The following ZNF536 variants were observed in gnomAD, a reference collection of about 807,000 sequenced individuals.
ZNF536 encodes zinc finger protein 536.
Under a neutral mutation model 84.5 loss-of-function variants are expected in ZNF536, and 13 were observed. That is an observed-to-expected ratio of 0.15 (90% confidence interval 0.10 to 0.24). The LOEUF is 0.24. ZNF536 is among the 10% of genes least tolerant of loss of function. The pLI, the probability that ZNF536 is intolerant of heterozygous loss-of-function variation, is 1.00. For missense variants in ZNF536, 1,536 were observed against 1,747.5 expected, an observed-to-expected ratio of 0.88 and a Z score of 2.16; for synonymous variants, 811 against 742.5, an observed-to-expected ratio of 1.09 and a Z score of -1.50.
rs1007873237 is a variant in ZNF536, at chr19:30,679,332, G to T, written c.170-31425G>T. Among the ~76,000 whole-genome samples the T allele has an allele frequency of 2.6e-5, 4 of 152,244 alleles. No homozygotes were observed. In the East Asian group the frequency reaches 7.7e-4, roughly 29 times the overall value. ...TGGAGCCCGCAGCTAGATGATGGAG[G>T]TGAGGCCCTGGGCCGGGAAGGAAGG... is the stretch of plus-strand genomic sequence containing the variant. On this transcript the variant is annotated intron_variant, in intron 1 of 1. Coordinates refer to the ZNF536 transcript ENST00000592773.
intron 3 of ZNF536, among the ~76,000 whole-genome samples, chr19:30,543,349 C>G (rs2045408369): frequency 6.6e-6 from 1 of 152,208 alleles, no homozygotes. Flanking sequence ...TGAGTGGTCC[C>G]CTCAGTAGAT....
At chr19:30,592,730 T>A (rs943515141) in intron 1 of ZNF536, among the ~76,000 whole-genome samples, 1 of 152,082 alleles carries the variant, frequency 6.6e-6, no homozygotes, top group African/African-American at 2.4e-5. Context: ...AAATCAACTT[T>A]ACCCCCCATT....
At chr19:30,472,613 A>G (rs562724815) in intron 2 of ZNF536, among the ~76,000 whole-genome samples, 1 of 152,322 alleles carries the variant, frequency 6.6e-6, no homozygotes, top group Admixed American at 6.5e-5. Context: ...GGCACAGGTG[A>G]CTTAAAGAAA....
intron 3 of ZNF536, among the ~76,000 whole-genome samples, chr19:30,541,218 C>T (rs186879468): frequency 6.6e-6 from 1 of 152,282 alleles, no homozygotes; most frequent in East Asian, 1.9e-4. Context: ...ACGTCTCTTA[C>T]ATTTGATGCT....
chr19:30,505,336 T>A (rs898096317), intron 2 of ZNF536, among the ~76,000 whole-genome samples: 15 of 145,936 alleles, frequency 1.0e-4, no homozygotes, highest in African/African-American at 3.2e-4. Context: ...ATAATATATA[T>A]TTTATGATAA....
At chr19:30,279,003 A>C (rs1276690552) in intron 1 of ZNF536, among the ~76,000 whole-genome samples, 1 of 152,176 alleles carries the variant, frequency 6.6e-6, no homozygotes, top group African/African-American at 2.4e-5. Context: ...CCCAGGCCGC[A>C]GGGAATGTCT....
At chr19:30,575,323 C>G (rs2046692435) in intron 1 of ZNF536, among the ~76,000 whole-genome samples, 1 of 152,150 alleles carries the variant, frequency 6.6e-6, no homozygotes, top group Non-Finnish European at 1.5e-5. Flanking sequence ...TGGGATAGGA[C>G]TTTGTTGGCA....
chr19:30,427,515 A>G (rs2051267799), intron 1 of ZNF536, among the ~76,000 whole-genome samples: 1 of 152,140 alleles, frequency 6.6e-6, no homozygotes, highest in Non-Finnish European at 1.5e-5. Context: ...GGCATGGAGC[A>G]CCACCCCTAG....
Position 30,484,688 on chromosome 19 carries a change from T to C in ZNF536, c.2170+38956T>C, listed in dbSNP as rs555395402. On this transcript the variant is annotated intron_variant, in intron 2 of 4. Transcript: ENST00000355537. ...TTTTCTTCTTCTTCTTCTTCTTCTT[T>C]TTTTTTTTTTGTCTTCTCTTGATCT... is the stretch of plus-strand genomic sequence containing the variant. Among the ~76,000 whole-genome samples, 849 of 150,586 alleles carry C rather than the reference T, an allele frequency of 5.6e-3. 5 individuals are homozygous for C. Among genetic ancestry groups the C allele is most frequent in the South Asian group, 0.016 (76 of 4,780 alleles).
chr19:30,303,741 C>G (rs1047776783), intron 2 of ZNF536, among the ~76,000 whole-genome samples: 1 of 152,156 alleles, frequency 6.6e-6, no homozygotes, highest in Non-Finnish European at 1.5e-5. Context: ...GATCCACTTG[C>G]CTCGGCCTCC....
intron 2 of ZNF536, among the ~76,000 whole-genome samples, chr19:30,310,777 C>A (rs527580833): frequency 6.6e-6 from 1 of 152,166 alleles, no homozygotes; most frequent in Non-Finnish European, 1.5e-5. Flanking sequence ...CTTCTGTTTG[C>A]GTGACTAAAT....
At chr19:30,250,862 G>A (rs555182246) in intron 1 of ZNF536, among the ~76,000 whole-genome samples, 24 of 136,612 alleles carry the variant, frequency 1.8e-4, no homozygotes, top group Admixed American at 1.2e-3. Flanking sequence ...TTTTTTTTTT[G>A]AGGGGGACAG....
chr19:30,569,944 T>C (rs569824218), intron 1 of ZNF536, among the ~76,000 whole-genome samples: 1 of 152,286 alleles, frequency 6.6e-6, no homozygotes, highest in African/African-American at 2.4e-5. Context: ...GGTTCTCAGC[T>C]AGGGGCAATG....
At position 30,590,656 on chromosome 19, in the gene ZNF536, T is replaced by C. The variant is rs141176982; in HGVS notation, c.169+41142T>C. ...CCCATTGTTTCAGTTCCAGGAGGAG[T>C]GGAGATGTGGGGCAGAAGACTGGAG... On this transcript the variant is annotated intron_variant, in intron 1 of 1. Transcript: ENST00000592773. 7.3e-5 allele frequency among the ~76,000 whole-genome samples: 11 copies of C among 150,316 alleles called. No homozygotes were observed. In the East Asian group the frequency reaches 2.2e-3, roughly 30 times the overall value.
intron 1 of ZNF536, among the ~76,000 whole-genome samples, chr19:30,575,898 G>C (rs1202270339): frequency 6.6e-6 from 1 of 152,152 alleles, no homozygotes; most frequent in African/African-American, 2.4e-5. Flanking sequence ...TAGAAGAGGG[G>C]GAGGGACGGG....
chr19:30,497,855 CAG>C (rs1329015942), intron 2 of ZNF536, among the ~76,000 whole-genome samples: 1 of 152,104 alleles, frequency 6.6e-6, no homozygotes, highest in Non-Finnish European at 1.5e-5. Flanking sequence ...CAAGCAGGAC[CAG>C]ATTCCAGAGA....
At chr19:30,642,671 C>A (rs1255360824) in intron 1 of ZNF536, among the ~76,000 whole-genome samples, 1 of 152,184 alleles carries the variant, frequency 6.6e-6, no homozygotes, top group Non-Finnish European at 1.5e-5. Context: ...AGGTCCTCGA[C>A]TCTAGCAACA....
intron 1 of ZNF536, among the ~76,000 whole-genome samples, chr19:30,436,174 G>T (rs1600720334): frequency 6.6e-6 from 1 of 152,100 alleles, no homozygotes; most frequent in South Asian, 2.1e-4. Context: ...GGGGACACTT[G>T]GGAATTTGAC....
In ZNF536 at chr19:30,445,883, TC is replaced by T. The variant is rs557412714; in HGVS notation, c.2170+158del. 3.7e-5 allele frequency: 41 copies of T among 1,102,262 alleles called. No homozygotes were observed. Among genetic ancestry groups the T allele is most frequent in the South Asian group, 1.4e-4 (7 of 49,978 alleles). 68.3% of individuals were successfully genotyped at this position (1,102,262 alleles called of 1,614,324 possible). On this transcript the variant is annotated intron_variant, in intron 2 of 4. Coordinates refer to ENST00000355537, the MANE Select transcript of ZNF536 (RefSeq NM_014717.3). The surrounding 1 kb of genome is among the most constrained non-coding windows in gnomAD (Gnocchi z 4.5). Reference sequence around the variant, plus strand: ...TTGGACACTGGGCCATGCCTTTCTTTCCCCCCCTGACTGGAGGGAAAGGGCC... The same window carrying T: ...TTGGACACTGGGCCATGCCTTTCTTTCCCCCCTGACTGGAGGGAAAGGGCC...
Sources: gnomAD v4.1 joint callset for allele counts (sites outside exome capture counted in the v4.1 genomes callset) on GRCh38, gnomAD v4.1.1 for gene constraint, Gnocchi (gnomAD v3.1) non-coding constraint, MANE v1.5 for transcripts, NCBI Gene and HGNC (gene_info 2026-07-23, HGNC 2026-07-21) for gene names.